HHAT: variants seen among roughly 807,000 people sequenced by gnomAD.
HHAT encodes hedgehog acyltransferase.
HHAT carries 47 observed loss-of-function variants against 70.8 expected under a neutral mutation model. The observed-to-expected ratio is 0.66, with a 90% CI of 0.53 to 0.85. The LOEUF (loss-of-function observed/expected upper bound fraction) is 0.85. Among genes scored for constraint, HHAT ranks in the 40% least tolerant of loss-of-function variants. HHAT has a pLI of 0.00. For missense variants in HHAT, 609 were observed against 604.8 expected, an observed-to-expected ratio of 1.01 and a Z score of -0.07; for synonymous variants, 228 against 247.6, an observed-to-expected ratio of 0.92 and a Z score of 0.74.
chr1:210,507,955 T>C (rs992082832), intron 8 of HHAT, among the ~76,000 whole-genome samples: 4 of 151,934 alleles, frequency 2.6e-5, no homozygotes, highest in African/African-American at 9.7e-5. Context: ...ATCTCAGCAC[T>C]TTGGGAGGCC....
intron 7 of HHAT, among the ~76,000 whole-genome samples, chr1:210,429,905 C>T (rs1390857065): frequency 6.6e-6 from 1 of 151,822 alleles, no homozygotes; most frequent in Non-Finnish European, 1.5e-5. Flanking sequence ...GTTTGAAATG[C>T]TGATTTTCCA....
At chr1:210,502,720 A>C (rs767691645) in intron 8 of HHAT, among the ~76,000 whole-genome samples, 14 of 152,148 alleles carry the variant, frequency 9.2e-5, no homozygotes, top group Non-Finnish European at 1.0e-4. Flanking sequence ...ATGCTTTGTA[A>C]ATTTAAAGTT....
At position 210,471,447 on chromosome 1, in the gene HHAT, AAG is replaced by A. The variant is rs559029829; in HGVS notation, c.1007+6793_1007+6794del. ...AAAGTTACAAATGTAAAGGAAGAAAAAGGGATTCAATTCAGACTTGGCTAGGA... is the reference window on the plus strand; with the variant it reads ...AAAGTTACAAATGTAAAGGAAGAAAAGGATTCAATTCAGACTTGGCTAGGA... On this transcript the variant is annotated intron_variant, in intron 8 of 11. Coordinates refer to ENST00000261458, the MANE Select transcript of HHAT (RefSeq NM_018194.6). 9.9e-5 allele frequency among the ~76,000 whole-genome samples: 15 copies of A among 152,018 alleles called. 1 individual carries two copies. The South Asian group carries it at 2.5e-3, about 25-fold the overall frequency.
intron 9 of HHAT, among the ~76,000 whole-genome samples, chr1:210,559,303 T>C (rs1350068487): frequency 2.6e-5 from 4 of 152,208 alleles, no homozygotes; most frequent in Non-Finnish European, 1.5e-5. Flanking sequence ...TCTGTACTCT[T>C]CATGATTTTA....
At chr1:210,528,951 G>T (rs1226869717) in intron 9 of HHAT, among the ~76,000 whole-genome samples, 1 of 152,178 alleles carries the variant, frequency 6.6e-6, no homozygotes, top group African/African-American at 2.4e-5. Flanking sequence ...GAACCTTGGG[G>T]ATAGTTTCAA....
At chr1:210,437,945 G>C (rs1047273494) in intron 7 of HHAT, among the ~76,000 whole-genome samples, 3 of 151,758 alleles carry the variant, frequency 2.0e-5, no homozygotes, top group African/African-American at 7.3e-5. Context: ...CTTGTTTGCT[G>C]TCCTTTGGGG....
intron 9 of HHAT, 86 bp downstream of exon 9, chr1:210,513,274 T>C: frequency 1.4e-6 from 1 of 711,790 alleles, no homozygotes; most frequent in Non-Finnish European, 2.5e-6. Flanking sequence ...TTAAGTATCT[T>C]GATAAATAAT....
In HHAT at chr1:210,454,422, C is replaced by T. The variant is rs190218191; in HGVS notation, c.857-10083C>T. Among the ~76,000 whole-genome samples, 33 of 152,160 alleles carry T rather than the reference C, an allele frequency of 2.2e-4. 1 individual carries two copies. The East Asian group carries it at 6.0e-3, about 28-fold the overall frequency. ...CAAAAAAATTAGCCGGGCGTGGTGG[C>T]GGGTGCCTGTAGTCCCAGCTACTTG... On this transcript the variant is annotated intron_variant, in intron 7 of 11. Coordinates refer to ENST00000261458, the MANE Select transcript of HHAT (RefSeq NM_018194.6).
At chr1:210,336,547 G>A (rs1386711767) in intron 1 of HHAT, among the ~76,000 whole-genome samples, 2 of 152,004 alleles carry the variant, frequency 1.3e-5, no homozygotes, top group African/African-American at 2.4e-5. Context: ...ACTTTGGGAG[G>A]CTGAGGAGGG....
intron 7 of HHAT, among the ~76,000 whole-genome samples, chr1:210,463,336 A>G (rs2094020490): frequency 6.6e-6 from 1 of 152,158 alleles, no homozygotes; most frequent in African/African-American, 2.4e-5. Flanking sequence ...TCTCTCCCCA[A>G]GAAACCACTA....
chr1:210,461,666 T>A (rs1407590066), intron 7 of HHAT, among the ~76,000 whole-genome samples: 1 of 152,174 alleles, frequency 6.6e-6, no homozygotes, highest in East Asian at 1.9e-4. Context: ...GTGAAATCCA[T>A]GGTACAAACA....
intron 11 of HHAT, among the ~76,000 whole-genome samples, chr1:210,634,223 C>G (rs911843022): frequency 1.3e-5 from 2 of 152,190 alleles, no homozygotes; most frequent in African/African-American, 4.8e-5. Context: ...CGGGATAGAA[C>G]ATTCCGCCCA....
At chr1:210,670,739 C>T (rs188305153) in intron 11 of HHAT, among the ~76,000 whole-genome samples, 9 of 152,288 alleles carry the variant, frequency 5.9e-5, no homozygotes, top group African/African-American at 1.9e-4. Flanking sequence ...GTCCAGTGAG[C>T]TGTGGGCATG....
At chr1:210,515,723 A>C (rs1028892813) in intron 9 of HHAT, among the ~76,000 whole-genome samples, 8 of 138,334 alleles carry the variant, frequency 5.8e-5, no homozygotes, top group Admixed American at 1.7e-4. Context: ...GCGCCACTGC[A>C]CTCCAGCCTG....
At chr1:210,603,823 G>A (rs1382204303) in intron 10 of HHAT, among the ~76,000 whole-genome samples, 2 of 152,072 alleles carry the variant, frequency 1.3e-5, no homozygotes, top group Admixed American at 1.3e-4. Flanking sequence ...AAAGCCTTTC[G>A]AGCAGCTGCT....
chr1:210,450,300 G>GGA (rs200755815), intron 7 of HHAT, among the ~76,000 whole-genome samples: 1 of 150,498 alleles, frequency 6.6e-6, no homozygotes, highest in Non-Finnish European at 1.5e-5. Context: ...CAGGTGGGGG[G>GGA]GGTGGGAAAC....
chr1:210,606,969 C>A (rs1298089112), intron 10 of HHAT, among the ~76,000 whole-genome samples: 1 of 152,178 alleles, frequency 6.6e-6, no homozygotes, highest in African/African-American at 2.4e-5. Flanking sequence ...TTTTACTGTG[C>A]CCATTGTCCC....
chr1:210,555,392 G>A (rs777606556), intron 9 of HHAT, among the ~76,000 whole-genome samples: 1 of 152,156 alleles, frequency 6.6e-6, no homozygotes, highest in Non-Finnish European at 1.5e-5. Context: ...CGCCAGTGCT[G>A]GGGACAGGAA....
chr1:210,373,949 C>G (rs1308667875), intron 3 of HHAT, among the ~76,000 whole-genome samples: 2 of 152,150 alleles, frequency 1.3e-5, no homozygotes, highest in Non-Finnish European at 2.9e-5. Flanking sequence ...GTTAATGTTG[C>G]TAATTAGCAA....
Sources: gnomAD v4.1 joint callset for allele counts (sites outside exome capture counted in the v4.1 genomes callset) on GRCh38, gnomAD v4.1.1 for gene constraint, MANE v1.5 for transcripts, NCBI Gene and HGNC (gene_info 2026-07-23, HGNC 2026-07-21) for gene names.